GABRB1: variants seen among roughly 807,000 people sequenced by gnomAD.
GABRB1 encodes the protein gamma-aminobutyric acid type A receptor subunit beta1, also known as gamma-aminobutyric acid receptor subunit beta-1.
GABRB1 carries 17 observed loss-of-function variants against 51.6 expected under a neutral mutation model. The observed-to-expected ratio is 0.33, with a 90% CI of 0.23 to 0.49. The LOEUF is 0.49. GABRB1 is among the 20% of genes least tolerant of loss of function. The pLI, the probability that GABRB1 is intolerant of heterozygous loss-of-function variation, is 0.99. For missense variants in GABRB1, 410 were observed against 600.6 expected, an observed-to-expected ratio of 0.68 and a Z score of 3.32; for synonymous variants, 247 against 218.9, an observed-to-expected ratio of 1.13 and a Z score of -1.14.
intron 3 of GABRB1, among the ~76,000 whole-genome samples, chr4:47,140,744 T>C (rs1244713734): frequency 6.6e-6 from 1 of 151,484 alleles, no homozygotes. Flanking sequence ...CTTTCCTGTG[T>C]GGTTAAGAGT....
rs1725299235 is a variant in GABRB1 at position 47,031,595 on chromosome 4, T to G, written c.-57T>G. On this transcript the variant is annotated 5_prime_UTR_variant, in exon 1 of 9. Coordinates refer to ENST00000295454, the MANE Select transcript of GABRB1 (RefSeq NM_000812.4). Reference sequence around the variant, plus strand: ...CGGGAATTACTGCCCAGCAGCCGACTAAGTTGCATTCCTTGAATCTTCGCA... The same window carrying G: ...CGGGAATTACTGCCCAGCAGCCGACGAAGTTGCATTCCTTGAATCTTCGCA... 1 of 1,446,142 alleles carries G rather than the reference T, an allele frequency of 6.9e-7. No individual in the cohort carries two copies. The highest frequency in any genetic ancestry group is 9.7e-7 in the Non-Finnish European group (1 of 1,027,324). 89.6% of individuals were successfully genotyped at this position (1,446,142 alleles called of 1,614,324 possible).
intron 4 of GABRB1, among the ~76,000 whole-genome samples, chr4:47,272,861 G>C (rs1027959870): frequency 2.0e-5 from 3 of 152,050 alleles, no homozygotes; most frequent in African/African-American, 7.2e-5. Context: ...CCTGCTTTCT[G>C]ACGAAACCTG....
chr4:47,250,555 T>G (rs1721947747), intron 4 of GABRB1, among the ~76,000 whole-genome samples: 3 of 152,176 alleles, frequency 2.0e-5, no homozygotes, highest in Admixed American at 6.5e-5. Context: ...TTTTCCAAGA[T>G]TTTAGAATTC....
intron 4 of GABRB1, among the ~76,000 whole-genome samples, chr4:47,274,854 G>A (rs28605268): frequency 0.19 from 29,324 of 152,130 alleles, 2,929 homozygotes; most frequent in East Asian, 0.24. Context: ...TTGCTGTGTG[G>A]AGCTTAGGGG....
chr4:47,056,781 C>A (rs538777776), intron 3 of GABRB1, among the ~76,000 whole-genome samples: 4 of 152,194 alleles, frequency 2.6e-5, no homozygotes, highest in Admixed American at 2.6e-4. Context: ...GCGAAAGAGA[C>A]AGAAAGAGAT....
intron 1 of GABRB1, among the ~76,000 whole-genome samples, chr4:47,001,055 G>T (rs1724162387): frequency 6.6e-6 from 1 of 152,224 alleles, no homozygotes; most frequent in South Asian, 2.1e-4. Context: ...TAAGAATGGT[G>T]TGATGGTTAA....
chr4:47,269,633 T>C (rs1413609397), intron 4 of GABRB1, among the ~76,000 whole-genome samples: 3 of 152,216 alleles, frequency 2.0e-5, no homozygotes, highest in African/African-American at 4.8e-5. Flanking sequence ...ATATTCTTTT[T>C]CTCTATTCTA....
intron 4 of GABRB1, among the ~76,000 whole-genome samples, chr4:47,187,533 AC>A (rs1276258240): frequency 6.6e-6 from 1 of 151,812 alleles, no homozygotes; most frequent in Non-Finnish European, 1.5e-5. Context: ...ACAAATGTGC[AC>A]CTTCACATTT....
At chr4:47,010,463 C>T (rs1724552055) in intron 1 of GABRB1, among the ~76,000 whole-genome samples, 1 of 152,170 alleles carries the variant, frequency 6.6e-6, no homozygotes, top group African/African-American at 2.4e-5. Context: ...CTCCTGCCTC[C>T]TACTCTAATA....
At chr4:47,020,701 C>T (rs1724904465) in intron 1 of GABRB1, among the ~76,000 whole-genome samples, 1 of 152,166 alleles carries the variant, frequency 6.6e-6, no homozygotes, top group African/African-American at 2.4e-5. Context: ...TCTACTACCA[C>T]TATAATTTTC....
intron 4 of GABRB1, among the ~76,000 whole-genome samples, chr4:47,303,143 T>A (rs943440258): frequency 1.3e-5 from 2 of 152,032 alleles, no homozygotes; most frequent in East Asian, 3.9e-4. Flanking sequence ...TAAAACTTTA[T>A]TTTAAAAAGT....
intron 5 of GABRB1, among the ~76,000 whole-genome samples, chr4:47,378,816 C>T (rs1727490369): frequency 6.6e-6 from 1 of 151,906 alleles, no homozygotes; most frequent in Non-Finnish European, 1.5e-5. Flanking sequence ...ATTATTTAAT[C>T]TTCACAGCTC....
At chr4:47,084,450 G>C (rs1727984440) in intron 3 of GABRB1, among the ~76,000 whole-genome samples, 1 of 152,148 alleles carries the variant, frequency 6.6e-6, no homozygotes, top group Non-Finnish European at 1.5e-5. Flanking sequence ...TGAATGCAAG[G>C]TGCCAAAGCA....
At chr4:47,068,288 G>C (rs1165505499) in intron 3 of GABRB1, among the ~76,000 whole-genome samples, 1 of 152,156 alleles carries the variant, frequency 6.6e-6, no homozygotes, top group Admixed American at 6.5e-5. Context: ...CTGTAATAAA[G>C]CTATTTCACT....
At position 47,181,504 on chromosome 4, in the gene GABRB1, A is replaced by T. The variant is rs186808370; in HGVS notation, c.461+20035A>T. On this transcript the variant is annotated intron_variant, in intron 4 of 8. Coordinates refer to ENST00000295454, the MANE Select transcript of GABRB1 (RefSeq NM_000812.4). ...AAGTGACAAAGAATGTAGACACTGG[A>T]GTTGGATGCCTGAGTTCTAATTCTC... Among the ~76,000 whole-genome samples, 18 of 152,124 alleles carry T rather than the reference A, an allele frequency of 1.2e-4. No individual in the cohort carries two copies. The East Asian group carries it at 3.5e-3, about 30-fold the overall frequency.
chr4:47,410,661 A>G (rs1466710952), intron 8 of GABRB1, among the ~76,000 whole-genome samples: 2 of 152,236 alleles, frequency 1.3e-5, no homozygotes, highest in Admixed American at 6.5e-5. Context: ...GTACAAATGT[A>G]CAAATACCAA....
intron 8 of GABRB1, among the ~76,000 whole-genome samples, chr4:47,424,078 GGAGA>G (rs950433370): frequency 1.3e-5 from 2 of 152,116 alleles, no homozygotes; most frequent in Admixed American, 1.3e-4. Context: ...AGGTAAAAAA[GGAGA>G]GAGAGATGAC....
chr4:47,242,526 C>G (rs1041536478), intron 4 of GABRB1, among the ~76,000 whole-genome samples: 2 of 152,212 alleles, frequency 1.3e-5, no homozygotes, highest in African/African-American at 4.8e-5. Context: ...GTTCCTATTT[C>G]TCCGCATCCT....
intron 4 of GABRB1, among the ~76,000 whole-genome samples, chr4:47,199,544 CGTT>C (rs1398292277): frequency 6.6e-6 from 1 of 151,966 alleles, no homozygotes; most frequent in African/African-American, 2.4e-5. Flanking sequence ...CCAGCAGCAA[CGTT>C]GTTGGCTTGC....
Sources: allele counts gnomAD v4.1 joint callset (sites outside exome capture counted in the v4.1 genomes callset), GRCh38; gene constraint gnomAD v4.1.1; transcripts MANE v1.5; gene names NCBI Gene and HGNC (gene_info 2026-07-23, HGNC 2026-07-21).